The following OR2L13 variants were observed in gnomAD, a reference collection of about 807,000 sequenced individuals.
OR2L13 encodes olfactory receptor 2L13.
In OR2L13, 14 loss-of-function variants were observed where a neutral mutation model predicts 15.3. That is an observed-to-expected ratio of 0.91 (90% CI 0.60 to 1.43). The LOEUF (loss-of-function observed/expected upper bound fraction) is 1.43, where lower values mean the gene tolerates loss of function less well. Ranked by LOEUF, OR2L13 falls within the 40% of genes most tolerant of loss-of-function variation. OR2L13 has a pLI of 0.00. For synonymous variants in OR2L13, 152 were observed against 142.9 expected (o/e 1.06, Z -0.45); for missense variants, 367 against 387.9 (o/e 0.95, Z 0.45).
chr1:247,992,797 T>C, the OR2L13 span, among the ~76,000 whole-genome samples: 1 of 150,462 alleles, frequency 6.6e-6, no homozygotes, highest in Non-Finnish European at 1.5e-5. Flanking sequence ...CCTAGGTTGA[T>C]TGTAGGTCTT....
At chr1:248,084,505 C>T in the OR2L13 span, 1 of 1,612,990 alleles carries the variant, frequency 6.2e-7, no homozygotes, top group Non-Finnish European at 8.5e-7. Flanking sequence ...CAAAACGATA[C>T]TCAGAACCAT....
chr1:248,029,853 C>T, the OR2L13 span, among the ~76,000 whole-genome samples: 8 of 152,126 alleles, frequency 5.3e-5, no homozygotes, highest in East Asian at 5.8e-4. Context: ...TTTCTTCCTC[C>T]ATTGAATTTA....
the OR2L13 span, among the ~76,000 whole-genome samples, chr1:247,983,703 A>G: frequency 6.6e-6 from 1 of 152,200 alleles, no homozygotes; most frequent in South Asian, 2.1e-4. Context: ...GTGAATAATC[A>G]AAGAGACACT....
At chr1:248,018,619 C>A in the OR2L13 span, among the ~76,000 whole-genome samples, 1 of 152,102 alleles carries the variant, frequency 6.6e-6, no homozygotes, top group Non-Finnish European at 1.5e-5. Flanking sequence ...AATTTCAGTA[C>A]ATTTAAATGT....
At chr1:248,095,799 G>C (rs564689845), upstream of OR2L13, among the ~76,000 whole-genome samples, 1 of 150,276 alleles carries the variant, frequency 6.7e-6, no homozygotes, top group Admixed American at 6.6e-5. Flanking sequence ...TAGAGATGGG[G>C]TGTCACCATA....
chr1:248,080,928 A>C, the OR2L13 span, among the ~76,000 whole-genome samples: 1 of 152,306 alleles, frequency 6.6e-6, no homozygotes, highest in East Asian at 1.9e-4. Context: ...TCGTATATTC[A>C]AAGTAACTCC....
At chr1:248,083,842 C>A in the OR2L13 span, 1 of 1,612,996 alleles carries the variant, frequency 6.2e-7, no homozygotes, top group Non-Finnish European at 8.5e-7. Flanking sequence ...AAAATGGCAG[C>A]TCCATAAAAG....
At chr1:247,962,936 A>C in the OR2L13 span, among the ~76,000 whole-genome samples, 1 of 152,180 alleles carries the variant, frequency 6.6e-6, no homozygotes, top group Admixed American at 6.5e-5. Flanking sequence ...ATTTCAATAC[A>C]CAATAAATTG....
At chr1:248,003,213 T>A in the OR2L13 span, 2 of 1,518,162 alleles carry the variant, frequency 1.3e-6, no homozygotes, top group Non-Finnish European at 1.8e-6. Context: ...TTCCTCTTCA[T>A]CCTCATTGTT....
the OR2L13 span, among the ~76,000 whole-genome samples, chr1:248,082,513 A>G: frequency 6.6e-6 from 1 of 152,100 alleles, no homozygotes; most frequent in African/African-American, 2.4e-5. Context: ...AAAAAGAAAA[A>G]AACATATTAT....
chr1:248,097,661 A>G (rs1209010635), intron 1 of OR2L13, among the ~76,000 whole-genome samples: 1 of 152,220 alleles, frequency 6.6e-6, no homozygotes, highest in African/African-American at 2.4e-5. Context: ...TCTCTTCAAA[A>G]CAACTCCAGG....
the OR2L13 span, among the ~76,000 whole-genome samples, chr1:247,947,918 C>G: frequency 5.3e-5 from 8 of 152,258 alleles, no homozygotes; most frequent in Admixed American, 4.6e-4. Context: ...AGAAGTAAAT[C>G]TGACAGAATA....
chr1:248,080,490 ATT>A, the OR2L13 span, among the ~76,000 whole-genome samples: 1 of 152,142 alleles, frequency 6.6e-6, no homozygotes, highest in Non-Finnish European at 1.5e-5. Flanking sequence ...ATGTGTCCTC[ATT>A]CTTCAACTTC....
the OR2L13 span, among the ~76,000 whole-genome samples, chr1:248,024,542 C>T: frequency 6.6e-6 from 1 of 152,048 alleles, no homozygotes; most frequent in Admixed American, 6.6e-5. Flanking sequence ...GGTTTTAGGT[C>T]TAACGTTTAA....
chr1:248,039,246 T>C, the OR2L13 span: 1 of 1,560,102 alleles, frequency 6.4e-7, no homozygotes, highest in Non-Finnish European at 8.7e-7. Flanking sequence ...TAGGTTCATA[T>C]CAACTTAGTA....
chr1:247,941,033 G>T, the OR2L13 span, among the ~76,000 whole-genome samples: 1 of 151,888 alleles, frequency 6.6e-6, no homozygotes, highest in Non-Finnish European at 1.5e-5. Flanking sequence ...ATGCTTGTTG[G>T]CCACTTGTAT....
At chr1:248,086,375 G>C in the OR2L13 span, among the ~76,000 whole-genome samples, 16 of 152,160 alleles carry the variant, frequency 1.1e-4, no homozygotes, top group African/African-American at 3.6e-4. Flanking sequence ...TGGAACCATT[G>C]CTCTTTTCTT....
At chr1:247,957,498 G>A in the OR2L13 span, among the ~76,000 whole-genome samples, 2 of 152,160 alleles carry the variant, frequency 1.3e-5, no homozygotes, top group African/African-American at 4.8e-5. Context: ...CTATTGGTTG[G>A]AATAGTTTCA....
the OR2L13 span, among the ~76,000 whole-genome samples, chr1:248,035,302 T>C: frequency 6.6e-6 from 1 of 151,962 alleles, no homozygotes; most frequent in Non-Finnish European, 1.5e-5. Context: ...TACAAAAATT[T>C]AGCCAGCTTG....
Sources: allele counts gnomAD v4.1 joint callset (sites outside exome capture counted in the v4.1 genomes callset), GRCh38; gene constraint gnomAD v4.1.1; transcripts MANE v1.5; gene names NCBI Gene and HGNC (gene_info 2026-07-23, HGNC 2026-07-21).